The following CXADR variants were observed in gnomAD, a reference collection of about 807,000 sequenced individuals.
The protein encoded by CXADR is CXADR cell adhesion molecule, also known as coxsackievirus and adenovirus receptor.
Under a neutral mutation model 40.3 loss-of-function variants are expected in CXADR, and 20 were observed. The observed-to-expected ratio is 0.50, with a 90% CI of 0.35 to 0.72. The LOEUF (loss-of-function observed/expected upper bound fraction) is 0.72, where lower values mean the gene tolerates loss of function less well. Among genes scored for constraint, CXADR ranks in the 30% least tolerant of loss-of-function variants. CXADR has a pLI of 0.01. For synonymous variants in CXADR, 150 were observed against 161.3 expected, an observed-to-expected ratio of 0.93 and a Z score of 0.53; for missense variants, 332 against 449.1, an observed-to-expected ratio of 0.74 and a Z score of 2.36.
intron 1 of CXADR, among the ~76,000 whole-genome samples, chr21:17,523,192 G>C (rs1047374357): frequency 6.6e-6 from 1 of 152,108 alleles, no homozygotes; most frequent in African/African-American, 2.4e-5. Context: ...TGCCGATACT[G>C]TCATTGTTTT....
rs754261158 is a variant in CXADR, at chr21:17,561,432, G to A, written c.789G>A (p.Lys263=). The A allele has an allele frequency of 1.8e-4, 288 of 1,612,114 alleles. 1 individual carries two copies. The Middle Eastern group carries it at 3.0e-3, about 17-fold the overall frequency. Reference sequence around the variant, plus strand: ...TTATCATCTTTTGCTGTCGTAAAAAGCGCAGAGAAGAAAAATATGAAAAGG... The same window carrying A: ...TTATCATCTTTTGCTGTCGTAAAAAACGCAGAGAAGAAAAATATGAAAAGG... ...IGLIIFCCRK[K]RREEKYEKEV... Residue 263 remains lysine (K), a synonymous_variant, in exon 6 of 7, where the codon AAG becomes AAA. Transcript: ENST00000284878.
At chr21:17,627,569 G>A in the CXADR span, among the ~76,000 whole-genome samples, 747 of 152,258 alleles carry the variant, frequency 4.9e-3, 29 homozygotes, top group East Asian at 0.096. Flanking sequence ...CAGGAGAATT[G>A]CTTGAGCCCA....
downstream of CXADR, among the ~76,000 whole-genome samples, chr21:17,573,180 T>C (rs2061292728): frequency 1.3e-5 from 2 of 150,898 alleles, no homozygotes; most frequent in Admixed American, 6.6e-5. Context: ...TACCACCGTG[T>C]GTACATTTCC....
intron 1 of CXADR, among the ~76,000 whole-genome samples, chr21:17,516,140 A>C (rs1285228195): frequency 6.6e-6 from 1 of 152,196 alleles, no homozygotes; most frequent in Admixed American, 6.5e-5. Context: ...ACATACCTAT[A>C]TATTCAATCC....
At chr21:17,574,211 A>T (rs1268203780), downstream of CXADR, among the ~76,000 whole-genome samples, 1 of 152,180 alleles carries the variant, frequency 6.6e-6, no homozygotes. Context: ...GCATTAACTG[A>T]TTGCTTCTTC....
intron 1 of CXADR, among the ~76,000 whole-genome samples, chr21:17,513,479 C>G (rs2060418927): frequency 1.3e-5 from 2 of 152,246 alleles, no homozygotes; most frequent in Admixed American, 6.5e-5. Flanking sequence ...CCATAGCATT[C>G]TCTGCCCCGG....
chr21:17,595,919 T>C (rs2061498435), downstream of CXADR, among the ~76,000 whole-genome samples: 1 of 152,050 alleles, frequency 6.6e-6, no homozygotes, highest in South Asian at 2.1e-4. Context: ...ATCTAGCTGC[T>C]TCACATCCTT....
the CXADR span, among the ~76,000 whole-genome samples, chr21:17,609,533 T>C: frequency 2.0e-5 from 3 of 152,210 alleles, no homozygotes; most frequent in Non-Finnish European, 4.4e-5. Flanking sequence ...GTGAAATGAT[T>C]TGAACTTTAA....
chr21:17,531,305 A>T (rs1006871078), intron 1 of CXADR, among the ~76,000 whole-genome samples: 47 of 151,964 alleles, frequency 3.1e-4, no homozygotes, highest in Admixed American at 2.6e-3. Context: ...TCTCAAAAAA[A>T]AAAAAAGAAA....
Position 17,569,299 on chromosome 21 carries a change from C to T in CXADR, c.*3607C>T. On this transcript the variant is annotated 3_prime_UTR_variant, in exon 7 of 7. Coordinates refer to ENST00000284878, the MANE Select transcript of CXADR (RefSeq NM_001338.5). The stretch of plus-strand genomic sequence containing the variant: ...ATGTGGTTAATGCTTTGATGTGTCA[C>T]ATAAAGAGTAGTTTGTAGAAAATGT... The T allele has an allele frequency of 1.1e-5, 11 of 985,222 alleles. No homozygotes were observed. The South Asian group carries it at 3.8e-4, about 34-fold the overall frequency. 61.0% of individuals were successfully genotyped at this position (985,222 alleles called of 1,614,324 possible).
chr21:17,577,900 CT>C (rs2061333755), intron 7 of CXADR, among the ~76,000 whole-genome samples: 1 of 151,960 alleles, frequency 6.6e-6, no homozygotes, highest in East Asian at 1.9e-4. Context: ...AATATTTGTC[CT>C]CCTGAGACTG....
chr21:17,620,148 A>G, the CXADR span, among the ~76,000 whole-genome samples: 8 of 152,210 alleles, frequency 5.3e-5, no homozygotes, highest in Non-Finnish European at 7.3e-5. Flanking sequence ...CAAGAGCCCT[A>G]CCTTTCAGCC....
intron 1 of CXADR, among the ~76,000 whole-genome samples, chr21:17,514,302 T>A (rs1204017121): frequency 6.6e-6 from 1 of 152,082 alleles, no homozygotes; most frequent in African/African-American, 2.4e-5. Context: ...CATTGTTGGA[T>A]GCCACAGCTG....
chr21:17,582,013 T>C, intron 7 of CXADR, among the ~76,000 whole-genome samples: 1 of 28 alleles, frequency 0.036, no homozygotes, highest in South Asian at 0.25. Context: ...CAATCTCGGC[T>C]CACTGCAAAC....
intron 7 of CXADR, among the ~76,000 whole-genome samples, chr21:17,588,450 A>G (rs536553914): frequency 1.3e-5 from 2 of 152,148 alleles, no homozygotes; most frequent in Non-Finnish European, 2.9e-5. Context: ...GGTCCTTCAC[A>G]TCCCTTGTAG....
rs1010115133 is a variant in CXADR at position 17,568,230 on chromosome 21, G to A, written c.*2538G>A. ...TGCAAGCTCCGCCTCCCAGGTTCAC[G>A]CCATTCTCCTGCCTCAGCCTCCCGA... On this transcript the variant is annotated 3_prime_UTR_variant, in exon 7 of 7. Transcript: ENST00000284878. The A allele has an allele frequency of 1.5e-5, 14 of 905,724 alleles. No individual in the cohort carries two copies. Among genetic ancestry groups the A allele is most frequent in the Non-Finnish European group, 1.8e-5 (14 of 762,684 alleles). 56.1% of individuals were successfully genotyped at this position (905,724 alleles called of 1,614,324 possible). A position where few individuals can be genotyped will look rare whatever the true frequency, so the allele number is the denominator to read the frequency against.
chr21:17,539,098 A>G (rs1327995471), intron 1 of CXADR, among the ~76,000 whole-genome samples: 1 of 152,180 alleles, frequency 6.6e-6, no homozygotes, highest in African/African-American at 2.4e-5. Context: ...TATTTCTTGC[A>G]TCTGTGATCT....
chr21:17,594,239 A>C, downstream of CXADR: 1 of 1,613,380 alleles, frequency 6.2e-7, no homozygotes, highest in Non-Finnish European at 8.5e-7. Context: ...GGAGGAGGAT[A>C]GTGATTCTGA....
At chr21:17,563,260 GT>G (rs2061149396) in intron 6 of CXADR, among the ~76,000 whole-genome samples, 2 of 151,886 alleles carry the variant, frequency 1.3e-5, no homozygotes, top group Admixed American at 1.3e-4. Flanking sequence ...GCACCCTACC[GT>G]GGTTGACAGT....
Sources: gnomAD v4.1 joint callset for allele counts (sites outside exome capture counted in the v4.1 genomes callset) on GRCh38, gnomAD v4.1.1 for gene constraint, MANE v1.5 for transcripts, NCBI Gene and HGNC (gene_info 2026-07-23, HGNC 2026-07-21) for gene names.